The following CELSR1 variants were observed in gnomAD, a reference collection of about 807,000 sequenced individuals.
CELSR1 encodes the protein adhesion G protein-coupled receptor C1.
A neutral mutation model predicts 249.1 loss-of-function variants in CELSR1; 110 were observed. That is an observed-to-expected ratio of 0.44 (90% confidence interval 0.38 to 0.52). CELSR1 has a LOEUF of 0.52. Ranked by LOEUF, CELSR1 falls within the 20% of genes least tolerant of loss-of-function variation. The probability of loss-of-function intolerance (pLI) is 0.00; values close to 1 mark genes in which losing one functional copy is unlikely to be tolerated. For synonymous variants in CELSR1, 2,113 were observed against 1,900.0 expected, an observed-to-expected ratio of 1.11 and a Z score of -2.92; for missense variants, 4,109 against 4,296.4, an observed-to-expected ratio of 0.96 and a Z score of 1.22.
chr22:46,481,211 C>T, intron 1 of CELSR1: 1 of 281,664 alleles, frequency 3.6e-6, no homozygotes, highest in Non-Finnish European at 6.9e-6. Flanking sequence ...CTCCAGCCTT[C>T]CAGCCTGCGC....
chr22:46,416,361 C>T (rs146024171), intron 5 of CELSR1, among the ~76,000 whole-genome samples: 2,052 of 152,292 alleles, frequency 0.013, 29 homozygotes, highest in Admixed American at 0.04. Context: ...GCGCAGCAGC[C>T]GGCCAGGCCC....
rs1021388057 is a variant in CELSR1 at position 46,417,307 on chromosome 22, C to G, written c.4612-5548G>C. 1.3e-5 allele frequency among the ~76,000 whole-genome samples: 2 copies of G among 152,182 alleles called. No individual in the cohort carries two copies. The highest frequency in any genetic ancestry group is 4.8e-5 in the African/African-American group (2 of 41,442). On this transcript the variant is annotated intron_variant, in intron 5 of 34. Transcript: ENST00000674500. This position sits in a 1 kb window ranked among gnomAD's most constrained non-coding sequence, Gnocchi z 4.1. ...GGAAGGGTCACGAGGAGCAAATTCACGCAGATGCACGCAGCCTTCCAGAAT... is the reference window on the plus strand; with the variant it reads ...GGAAGGGTCACGAGGAGCAAATTCAGGCAGATGCACGCAGCCTTCCAGAAT...
In CELSR1 at chr22:46,364,159, C is replaced by T. The variant is rs2078738622; in HGVS notation, c.8872G>A (p.Glu2958Lys). 3 of 1,612,344 alleles carry T rather than the reference C, an allele frequency of 1.9e-6. No homozygotes were observed. Among genetic ancestry groups the T allele is most frequent in the Non-Finnish European group, 2.5e-6 (3 of 1,179,802 alleles). ...GTGCGCGAGGATGTGGGGCTCTGCT[C>T]ACAGTCGGCCAGCTTCTCCCGGAGC... is the stretch of plus-strand genomic sequence containing the variant. ...GRLREKLADC[E>K]QSPTSSRTSS... Residue 2958 changes from glutamate (E) to lysine (K), a missense_variant, in exon 34 of 35, where the codon GAG becomes AAG. Physicochemically the swap from Glu to Lys is moderately conservative, Grantham distance 56. This residue lies in a region of CELSR1 where 1,805 missense variants were observed against 1,831.6 expected (regional missense o/e 0.99). Coordinates refer to ENST00000674500, the MANE Select transcript of CELSR1 (RefSeq NM_001378328.1).
At chr22:46,532,788 T>C (rs937397645) in intron 1 of CELSR1, among the ~76,000 whole-genome samples, 4 of 152,300 alleles carry the variant, frequency 2.6e-5, no homozygotes, top group Admixed American at 2.6e-4. Context: ...CTCTCTCTTC[T>C]GTGTCTCCCA....
intron 2 of CELSR1, among the ~76,000 whole-genome samples, chr22:46,459,178 G>A (rs764106736): frequency 9.9e-5 from 15 of 152,094 alleles, no homozygotes; most frequent in African/African-American, 3.1e-4. Flanking sequence ...GTGAGCCACC[G>A]TGCCCAGCCG....
chr22:46,471,778 C>T lies in CELSR1; in HGVS notation c.3545-7433G>A, dbSNP rs2080157778. 6.6e-6 allele frequency among the ~76,000 whole-genome samples: 1 copy of T among 152,034 alleles called. No individual in the cohort carries two copies. The highest frequency in any genetic ancestry group is 1.5e-5 in the Non-Finnish European group (1 of 68,006). On this transcript the variant is annotated intron_variant, in intron 1 of 34. Coordinates refer to ENST00000674500, the MANE Select transcript of CELSR1 (RefSeq NM_001378328.1). This position sits in a 1 kb window ranked among gnomAD's most constrained non-coding sequence, Gnocchi z 4.9. ...TCTCTCTGCAGATTTCCCTCATTTC[C>T]ACCCACTGTCCTCTCCTGTCCCAGG...
intron 1 of CELSR1, among the ~76,000 whole-genome samples, chr22:46,495,827 T>A (rs4290752): frequency 0.68 from 101,166 of 148,512 alleles, 34,913 homozygotes; most frequent in East Asian, 0.98. Context: ...AAAAATATAT[T>A]TTTTTTTCTT....
At chr22:46,370,936 G>A (rs867430223) in intron 25 of CELSR1, among the ~76,000 whole-genome samples, 2 of 152,230 alleles carry the variant, frequency 1.3e-5, no homozygotes, top group African/African-American at 2.4e-5. Context: ...TGAACTATCT[G>A]GATTTAGAGT....
chr22:46,396,336 A>C lies in CELSR1; in HGVS notation c.5843+269T>G, dbSNP rs1485784981. On this transcript the variant is annotated intron_variant, in intron 13 of 34. Coordinates refer to ENST00000674500, the MANE Select transcript of CELSR1 (RefSeq NM_001378328.1). The surrounding 1 kb of genome is among the most constrained non-coding windows in gnomAD (Gnocchi z 6.4). ...GGCAGGAGAATCACTTGAGCCCAGG[A>C]GGCAGAGGTTGCAAGGAGCCAAGAT... Among the ~76,000 whole-genome samples, 1 of 152,156 alleles carries C rather than the reference A, an allele frequency of 6.6e-6. No homozygotes were observed. Among genetic ancestry groups the C allele is most frequent in the Non-Finnish European group, 1.5e-5 (1 of 68,034 alleles).
intron 14 of CELSR1, 21 bp downstream of exon 14, chr22:46,394,121 A>C (rs1316838974): frequency 5.6e-6 from 9 of 1,610,818 alleles, no homozygotes; most frequent in Non-Finnish European, 6.8e-6. Flanking sequence ...GCATGCAGGG[A>C]TCATGGGGGC....
rs2080644530 is a variant in CELSR1 at position 46,517,881 on chromosome 22, A to G, written c.3544+15746T>C. Among the ~76,000 whole-genome samples the G allele has an allele frequency of 6.8e-6, 1 of 146,064 alleles. No individual in the cohort carries two copies. Among genetic ancestry groups the G allele is most frequent in the Non-Finnish European group, 1.5e-5 (1 of 67,010 alleles). On this transcript the variant is annotated intron_variant, in intron 1 of 34. Transcript: ENST00000674500. The surrounding 1 kb of genome is among the most constrained non-coding windows in gnomAD (Gnocchi z 5.4). ...TGTGTCCCCATATTCTGTTTATTACACACCTCCCACGGTGTCCCCTTCCTT... is the reference window on the plus strand; with the variant it reads ...TGTGTCCCCATATTCTGTTTATTACGCACCTCCCACGGTGTCCCCTTCCTT...
chr22:46,408,889 A>C lies in CELSR1; in HGVS notation c.5226+107T>G. The stretch of plus-strand genomic sequence containing the variant: ...GAACCCCAGGGGCGGGCGCCGGAGG[A>C]AGGGCGAGTAGCAGGTGCCCGAGTG... On this transcript the variant is annotated intron_variant, in intron 9 of 34. Transcript: ENST00000674500. This position sits in a 1 kb window ranked among gnomAD's most constrained non-coding sequence, Gnocchi z 4.6. 3.4e-6 allele frequency: 3 copies of C among 880,764 alleles called. No homozygotes were observed. The highest frequency in any genetic ancestry group is 5.0e-6 in the Non-Finnish European group (3 of 600,008). 54.6% of individuals were successfully genotyped at this position (880,764 alleles called of 1,614,324 possible).
At position 46,391,050 on chromosome 22, in the gene CELSR1, G is replaced by A. The variant is rs560578006; in HGVS notation, c.6250+136C>T. 7.2e-6 allele frequency: 5 copies of A among 692,508 alleles called. No homozygotes were observed. The highest frequency in any genetic ancestry group is 5.4e-5 in the Admixed American group (2 of 37,340). 42.9% of individuals were successfully genotyped at this position (692,508 alleles called of 1,614,324 possible). On this transcript the variant is annotated intron_variant, in intron 16 of 34. Coordinates refer to ENST00000674500, the MANE Select transcript of CELSR1 (RefSeq NM_001378328.1). The surrounding 1 kb of genome is among the most constrained non-coding windows in gnomAD (Gnocchi z 4.3). ...GTGTATTTCCTGGTAGGGAAAAGGCGATCGGATTTCTCCCCAGCACTTTGC... is the reference window on the plus strand; with the variant it reads ...GTGTATTTCCTGGTAGGGAAAAGGCAATCGGATTTCTCCCCAGCACTTTGC...
Position 46,381,883 on chromosome 22 carries a change from G to A in CELSR1, c.7051C>T (p.Leu2351=), listed in dbSNP as rs1311577884. The A allele has an allele frequency of 3.2e-6, 5 of 1,573,838 alleles. No homozygotes were observed. Among genetic ancestry groups the A allele is most frequent in the African/African-American group, 2.7e-5 (2 of 74,174 alleles). The part of the protein sequence containing the change: ...VIIYRTLGQL[L]PERYDPDRRS... Reference sequence around the variant, plus strand: ...CGGTCGGGGTCGTAGCGCTCGGGCAGGAGCTGCCCCAGGGTGCGGTAAATG... The same window carrying A: ...CGGTCGGGGTCGTAGCGCTCGGGCAAGAGCTGCCCCAGGGTGCGGTAAATG... Residue 2351 remains leucine, a synonymous_variant, in exon 21 of 35, where the codon CTG becomes TTG. Coordinates refer to ENST00000674500, the MANE Select transcript of CELSR1 (RefSeq NM_001378328.1). This position sits in a 1 kb window ranked among gnomAD's most constrained non-coding sequence, Gnocchi z 6.0.
In CELSR1 at chr22:46,535,377, G is replaced by C. The variant is rs755154832; in HGVS notation, c.1794C>G (p.Ala598=). 1.2e-5 allele frequency: 20 copies of C among 1,611,718 alleles called. No homozygotes were observed. Among genetic ancestry groups the C allele is most frequent in the Admixed American group, 1.7e-5 (1 of 59,964 alleles). The change falls in exon 1 of 35, where the codon GCC becomes GCG. Residue 598 remains alanine (A), a synonymous_variant. Coordinates refer to ENST00000674500, the MANE Select transcript of CELSR1 (RefSeq NM_001378328.1). ...TGTCCACCAGGCGATAGTGCAGCCG[G>C]GCGTTCTCTCCAGAGTCCGCGTCCA... ...QAVDADSGEN[A]RLHYRLVDTA...
In CELSR1 at chr22:46,363,503, A is replaced by G. The variant is rs2147148385; in HGVS notation, c.9036-256T>C. The G allele has an allele frequency of 2.3e-6, 1 of 434,966 alleles. No individual in the cohort carries two copies. The highest frequency in any genetic ancestry group is 2.9e-5 in the South Asian group (1 of 34,118). The allele number at this position is 434,966 out of a possible 1,614,324, so 26.9% of individuals were successfully genotyped here. On this transcript the variant is annotated intron_variant, in intron 34 of 34. Coordinates refer to ENST00000674500, the MANE Select transcript of CELSR1 (RefSeq NM_001378328.1). This position sits in a 1 kb window ranked among gnomAD's most constrained non-coding sequence, Gnocchi z 4.3. ...AAGGAATCCACGTTAGAAACCGGCC[A>G]TCTCTACAGTGACTTTTGGAAGGGG...
intron 1 of CELSR1, among the ~76,000 whole-genome samples, chr22:46,514,398 C>T (rs1457651052): frequency 6.6e-6 from 1 of 152,150 alleles, no homozygotes; most frequent in Non-Finnish European, 1.5e-5. Context: ...CACCAGGCCC[C>T]GACGGTCCAT....
At chr22:46,449,429 A>G (rs1044223671) in intron 2 of CELSR1, among the ~76,000 whole-genome samples, 3 of 151,624 alleles carry the variant, frequency 2.0e-5, no homozygotes, top group African/African-American at 7.3e-5. Flanking sequence ...CCCATCACAC[A>G]GCCATCCATC....
intron 25 of CELSR1, among the ~76,000 whole-genome samples, chr22:46,371,113 C>T (rs1444109123): frequency 6.6e-6 from 1 of 152,166 alleles, no homozygotes; most frequent in Non-Finnish European, 1.5e-5. Flanking sequence ...CAGGAAGTGG[C>T]GGCTGCCACC....
Sources: allele counts gnomAD v4.1 joint callset (sites outside exome capture counted in the v4.1 genomes callset), GRCh38; gene constraint gnomAD v4.1.1; regional missense constraint gnomAD v4.1.1; non-coding constraint Gnocchi (gnomAD v3.1); transcripts MANE v1.5; gene names NCBI Gene and HGNC (gene_info 2026-07-23, HGNC 2026-07-21).